Variants in GOLIM4 observed in about 807,000 individuals in gnomAD.
The protein encoded by GOLIM4 is golgi integral membrane protein 4.
A neutral mutation model predicts 107.4 loss-of-function variants in GOLIM4; 71 were observed. The ratio of observed to expected loss-of-function variants is 0.66; its 90% CI spans 0.55 to 0.81. GOLIM4 has a LOEUF of 0.81. Ranked by LOEUF, GOLIM4 falls within the 30% of genes least tolerant of loss-of-function variation. The pLI is 0.00. For missense variants in GOLIM4, 830 were observed against 826.1 expected, an observed-to-expected ratio of 1.00 and a Z score of -0.06; for synonymous variants, 327 against 294.8, an observed-to-expected ratio of 1.11 and a Z score of -1.12.
chr3:168,095,206 A>C lies in GOLIM4; in HGVS notation c.80T>G (p.Leu27Arg). 6.2e-7 allele frequency: 1 copy of C among 1,613,818 alleles called. No individual in the cohort carries two copies. Among genetic ancestry groups the C allele is most frequent in the Non-Finnish European group, 8.5e-7 (1 of 1,179,992 alleles). The stretch of plus-strand genomic sequence containing the variant: ...CTCGTAGTAGAGCATCGCGCCGTAG[A>C]GAAAGCCGAACACGACGGTCAGCAG... ...LLLLTVVFGF[L>R]YGAMLYYELQ... is the part of the protein sequence containing the mutation. Residue 27 changes from leucine to arginine, a missense_variant, in exon 1 of 16, where the codon CTC (leucine) becomes CGC (arginine). Leu to Arg is a moderately radical substitution (Grantham distance 102). Coordinates refer to ENST00000470487, the MANE Select transcript of GOLIM4 (RefSeq NM_014498.5).
At chr3:168,052,907 A>G (rs1289684002) in intron 1 of GOLIM4, among the ~76,000 whole-genome samples, 2 of 152,248 alleles carry the variant, frequency 1.3e-5, no homozygotes, top group Non-Finnish European at 2.9e-5. Context: ...TATGAAAATA[A>G]TGGTTCAATC....
rs1434910969 is a variant in GOLIM4 at position 168,009,761 on chromosome 3, C to T, written c.*508G>A. Reference sequence around the variant, plus strand: ...TGTATGTCACTTTGTACATAGATCTCACTCCAGAGATACATAGACTGGTGA... The same window carrying T: ...TGTATGTCACTTTGTACATAGATCTTACTCCAGAGATACATAGACTGGTGA... On this transcript the variant is annotated 3_prime_UTR_variant, in exon 16 of 16. Transcript: ENST00000470487. 6.6e-6 allele frequency: 1 copy of T among 152,272 alleles called. No homozygotes were observed. The highest frequency in any genetic ancestry group is 1.5e-5 in the Non-Finnish European group (1 of 68,098). 9.4% of individuals were successfully genotyped at this position (152,272 alleles called of 1,614,324 possible). A position where few individuals can be genotyped will look rare whatever the true frequency, so the allele number is the denominator to read the frequency against.
At chr3:168,041,241 G>A (rs1577530342) in intron 6 of GOLIM4, 151 bp downstream of exon 6, 2 of 561,826 alleles carry the variant, frequency 3.6e-6, no homozygotes, top group African/African-American at 1.9e-5. Context: ...TGCTGAAGTG[G>A]TAAAAATATT....
At chr3:168,014,591 A>G (rs145624375) in intron 14 of GOLIM4, among the ~76,000 whole-genome samples, 11,970 of 120,878 alleles carry the variant, frequency 0.099, 2,299 homozygotes, top group African/African-American at 0.34. Flanking sequence ...AACAAAAAAA[A>G]AGAATTTTAG....
intron 14 of GOLIM4, among the ~76,000 whole-genome samples, chr3:168,013,196 T>G (rs1206610939): frequency 6.6e-6 from 1 of 151,010 alleles, no homozygotes; most frequent in African/African-American, 2.5e-5. Flanking sequence ...TGGAGGAAGA[T>G]CTACCAAGCA....
chr3:168,022,736 G>A (rs1717778605), intron 14 of GOLIM4, among the ~76,000 whole-genome samples: 1 of 152,228 alleles, frequency 6.6e-6, no homozygotes, highest in African/African-American at 2.4e-5. Flanking sequence ...AGAGCACATG[G>A]AGCAACAGTT....
intron 1 of GOLIM4, among the ~76,000 whole-genome samples, chr3:168,090,805 T>C (rs923274846): frequency 2.6e-5 from 4 of 152,174 alleles, no homozygotes; most frequent in South Asian, 2.1e-4. Context: ...AAAGAAAATG[T>C]GGTATATATA....
intron 1 of GOLIM4, among the ~76,000 whole-genome samples, chr3:168,085,608 C>T (rs1034995457): frequency 6.6e-6 from 1 of 152,072 alleles, no homozygotes; most frequent in Non-Finnish European, 1.5e-5. Context: ...AAAATTCTAC[C>T]GGTAGGAAGC....
At chr3:168,031,041 C>T (rs575292089) in intron 9 of GOLIM4, among the ~76,000 whole-genome samples, 8 of 152,206 alleles carry the variant, frequency 5.3e-5, no homozygotes, top group African/African-American at 7.2e-5. Context: ...TCTTGTCATA[C>T]GCAGTGACAT....
chr3:168,010,419 CTTAAAA>C lies in GOLIM4; in HGVS notation c.1942-7_1942-2del, dbSNP rs1248472231. ...CTCCATCATTATTTTTATCATCAGT[CTTAAAA>C]TTAAAAGAAAAAAGAAAAACTAAGA... On this transcript the variant is annotated splice_acceptor_variant and splice_polypyrimidine_tract_variant and intron_variant, in intron 15 of 15. Coordinates refer to ENST00000470487, the MANE Select transcript of GOLIM4 (RefSeq NM_014498.5). LOFTEE classifies it high-confidence loss of function. The C allele has an allele frequency of 1.5e-5, 23 of 1,586,068 alleles. No individual in the cohort carries two copies. Among genetic ancestry groups the C allele is most frequent in the South Asian group, 1.1e-5 (1 of 88,230 alleles).
chr3:168,075,283 C>T (rs1283847004), intron 1 of GOLIM4, among the ~76,000 whole-genome samples: 1 of 137,426 alleles, frequency 7.3e-6, no homozygotes, highest in Non-Finnish European at 1.6e-5. Flanking sequence ...CGGACATTCA[C>T]TAGTTTTTTT....
chr3:168,062,097 CAT>C (rs1330122550), intron 1 of GOLIM4, among the ~76,000 whole-genome samples: 2 of 152,144 alleles, frequency 1.3e-5, no homozygotes, highest in Non-Finnish European at 2.9e-5. Flanking sequence ...AAGAAATTTA[CAT>C]ATGTCACTTT....
At chr3:168,090,968 A>G (rs886382281) in intron 1 of GOLIM4, among the ~76,000 whole-genome samples, 2 of 152,198 alleles carry the variant, frequency 1.3e-5, no homozygotes, top group Admixed American at 1.3e-4. Context: ...GAGCTATACA[A>G]CGGGCACACA....
intron 1 of GOLIM4, 39 bp from the exon 2 acceptor site, chr3:168,048,404 G>A (rs1457656242): frequency 1.2e-5 from 12 of 983,914 alleles, no homozygotes; most frequent in African/African-American, 3.4e-5. Context: ...CAAAGAATTA[G>A]AAATTTAAAA....
rs778080718 is a variant in GOLIM4, at chr3:168,040,881, AG to A, written c.601-13del. 2 of 1,563,120 alleles carry A rather than the reference AG, an allele frequency of 1.3e-6. No homozygotes were observed. The highest frequency in any genetic ancestry group is 2.7e-5 in the African/African-American group (2 of 73,924). On this transcript the variant is annotated splice_polypyrimidine_tract_variant and intron_variant, in intron 6 of 15. Transcript: ENST00000470487. ...TTCTTATGCTGTTGCTACACAAAAA[AG>A]AATTTTACATGTTGAGCTTTAACAT...
intron 1 of GOLIM4, among the ~76,000 whole-genome samples, chr3:168,055,108 A>C (rs957664398): frequency 6.6e-6 from 1 of 152,174 alleles, no homozygotes; most frequent in Non-Finnish European, 1.5e-5. Flanking sequence ...AAAACAAACT[A>C]ACACAGTAAA....
At chr3:168,081,086 T>C (rs1721339223) in intron 1 of GOLIM4, among the ~76,000 whole-genome samples, 1 of 152,164 alleles carries the variant, frequency 6.6e-6, no homozygotes, top group Non-Finnish European at 1.5e-5. Context: ...GTTAGCAGGA[T>C]TCCAGCATGA....
chr3:168,052,332 G>T (rs1435038282), intron 1 of GOLIM4, among the ~76,000 whole-genome samples: 1 of 151,676 alleles, frequency 6.6e-6, no homozygotes, highest in African/African-American at 2.4e-5. Context: ...GTAATCATAT[G>T]TATGTGTATA....
chr3:168,025,029 C>G lies in GOLIM4; in HGVS notation c.1690G>C (p.Glu564Gln). The G allele has an allele frequency of 6.2e-7, 1 of 1,613,520 alleles. No individual in the cohort carries two copies. The highest frequency in any genetic ancestry group is 8.5e-7 in the Non-Finnish European group (1 of 1,179,450). Reference sequence around the variant, plus strand: ...TTTTCTTCTCTCACTTGCTCGGCTTCTTCAAATTCATCCTCACCTTGATTA... The same window carrying G: ...TTTTCTTCTCTCACTTGCTCGGCTTGTTCAAATTCATCCTCACCTTGATTA... The part of the protein sequence containing the change: ...PNNQGEDEFE[E>Q]AEQVREENLP... Residue 564 changes from glutamate to glutamine, a missense_variant, in exon 13 of 16, where the codon GAA becomes CAA. Coordinates refer to ENST00000470487, the MANE Select transcript of GOLIM4 (RefSeq NM_014498.5).
Sources: gnomAD v4.1 joint callset for allele counts (sites outside exome capture counted in the v4.1 genomes callset) on GRCh38, gnomAD v4.1.1 for gene constraint, MANE v1.5 for transcripts, NCBI Gene and HGNC (gene_info 2026-07-23, HGNC 2026-07-21) for gene names.